The following NELL1 variants were observed in gnomAD, a reference collection of about 807,000 sequenced individuals.
The protein encoded by NELL1 is neural EGFL like 1.
In NELL1, 76 loss-of-function variants were observed where a neutral mutation model predicts 107.4. The observed-to-expected ratio is 0.71, with a 90% confidence interval of 0.59 to 0.86. The LOEUF is 0.86. Ranked by LOEUF, NELL1 falls within the 40% of genes least tolerant of loss-of-function variation. NELL1 has a pLI of 0.00. For synonymous variants in NELL1, 353 were observed against 341.2 expected (o/e 1.03, Z -0.38); for missense variants, 1,024 against 1,005.5 (o/e 1.02, Z -0.25).
intron 4 of NELL1, among the ~76,000 whole-genome samples, chr11:20,871,258 G>C (rs1849190487): frequency 6.6e-6 from 1 of 152,142 alleles, no homozygotes. Flanking sequence ...TTTTGATACA[G>C]GTCAGTCTCC....
chr11:21,265,746 G>GTC (rs762043734), intron 14 of NELL1, among the ~76,000 whole-genome samples: 6 of 151,974 alleles, frequency 3.9e-5, no homozygotes, highest in African/African-American at 9.6e-5. Flanking sequence ...AAACTTTACT[G>GTC]TCTCTCTCTC....
At position 20,714,097 on chromosome 11, in the gene NELL1, G is replaced by A. The variant is rs147245235; in HGVS notation, c.184+36037G>A. ...TTTTTTCTGGTATGTTTCTGTGGTGGTTCTTCAAGCAAAAGTTCATGGTGT... is the reference window on the plus strand; with the variant it reads ...TTTTTTCTGGTATGTTTCTGTGGTGATTCTTCAAGCAAAAGTTCATGGTGT... On this transcript the variant is annotated intron_variant, in intron 2 of 19. Coordinates refer to ENST00000357134, the MANE Select transcript of NELL1 (RefSeq NM_006157.5). Among the ~76,000 whole-genome samples, 32 of 150,736 alleles carry A rather than the reference G, an allele frequency of 2.1e-4. No homozygotes were observed. In the East Asian group the frequency reaches 5.1e-3, roughly 24 times the overall value.
At chr11:21,241,486 G>A (rs947751004) in intron 14 of NELL1, among the ~76,000 whole-genome samples, 1 of 152,122 alleles carries the variant, frequency 6.6e-6, no homozygotes, top group South Asian at 2.1e-4. Flanking sequence ...TTAGGCTTAC[G>A]CCAAGTACTG....
intron 3 of NELL1, among the ~76,000 whole-genome samples, chr11:20,828,873 C>T (rs1857941836): frequency 6.6e-6 from 1 of 152,136 alleles, no homozygotes; most frequent in Non-Finnish European, 1.5e-5. Flanking sequence ...ATAAGAATAA[C>T]TCAATCCGTG....
chr11:20,836,181 A>G (rs989652477), intron 3 of NELL1, among the ~76,000 whole-genome samples: 2 of 152,114 alleles, frequency 1.3e-5, no homozygotes, highest in African/African-American at 2.4e-5. Flanking sequence ...GGAAATAAGC[A>G]TATTACAATG....
chr11:20,961,272 G>A (rs1045137991), intron 12 of NELL1, among the ~76,000 whole-genome samples: 10 of 152,154 alleles, frequency 6.6e-5, no homozygotes, highest in Non-Finnish European at 1.2e-4. Context: ...ACATGCCAGA[G>A]GAGTGGGAGT....
chr11:20,714,032 C>T (rs1715274), intron 2 of NELL1, among the ~76,000 whole-genome samples: 24,941 of 151,796 alleles, frequency 0.16, 2,412 homozygotes, highest in African/African-American at 0.24. Flanking sequence ...GAGTTTGCTT[C>T]GTGTGCCACT....
At chr11:20,773,982 C>G (rs902873080) in intron 2 of NELL1, among the ~76,000 whole-genome samples, 2 of 151,374 alleles carry the variant, frequency 1.3e-5, no homozygotes, top group Non-Finnish European at 2.9e-5. Context: ...CTCTCTCTTT[C>G]TTCTCTTCTC....
In NELL1 at chr11:21,411,442, A is replaced by C. The variant is rs146808579; in HGVS notation, c.1645+40494A>C. Among the ~76,000 whole-genome samples the C allele has an allele frequency of 6.4e-3, 975 of 152,190 alleles. 10 individuals are homozygous for C. The highest frequency in any genetic ancestry group is 0.022 in the African/African-American group (908 of 41,552). ...ACCTCTATATTAATGTGTGTCTATC[A>C]ATAACAATAATGGCAATAATAATAA... On this transcript the variant is annotated intron_variant, in intron 15 of 19. Transcript: ENST00000357134.
chr11:21,516,695 G>C (rs151036421), intron 15 of NELL1, among the ~76,000 whole-genome samples: 104 of 151,226 alleles, frequency 6.9e-4, no homozygotes, highest in African/African-American at 2.3e-3. Context: ...ACTCTTATAG[G>C]ATCACTGTTG....
At chr11:20,701,464 T>G (rs1854785546) in intron 2 of NELL1, among the ~76,000 whole-genome samples, 1 of 152,182 alleles carries the variant, frequency 6.6e-6, no homozygotes, top group Non-Finnish European at 1.5e-5. Flanking sequence ...AGGTTGCCTG[T>G]TCACTCTGAT....
At chr11:21,336,666 T>C (rs1405135307) in intron 14 of NELL1, among the ~76,000 whole-genome samples, 104 of 52,644 alleles carry the variant, frequency 2.0e-3, no homozygotes, top group Middle Eastern at 0.01. Flanking sequence ...TATATATATA[T>C]ATATATATAC....
At chr11:20,810,082 T>C (rs551651749) in intron 3 of NELL1, among the ~76,000 whole-genome samples, 3 of 152,266 alleles carry the variant, frequency 2.0e-5, no homozygotes, top group African/African-American at 7.2e-5. Context: ...TTAATTTGTA[T>C]TTCCCTGATG....
At chr11:21,205,855 T>C (rs1373589825) in intron 13 of NELL1, among the ~76,000 whole-genome samples, 1 of 152,156 alleles carries the variant, frequency 6.6e-6, no homozygotes, top group Admixed American at 6.5e-5. Flanking sequence ...TTAAATGCAG[T>C]GTGTCTGTCT....
At chr11:21,336,647 G>GTATATATATA (rs1350044303) in intron 14 of NELL1, among the ~76,000 whole-genome samples, 33 of 70,686 alleles carry the variant, frequency 4.7e-4, no homozygotes, top group African/African-American at 1.2e-3. Context: ...CTTCATATGT[G>GTATATATATA]TGTGTATATA....
At chr11:20,827,054 C>T (rs932936025) in intron 3 of NELL1, among the ~76,000 whole-genome samples, 7 of 151,220 alleles carry the variant, frequency 4.6e-5, no homozygotes, top group African/African-American at 1.5e-4. Flanking sequence ...TGCCAAGACA[C>T]AGCCCTGGTT....
In NELL1 at chr11:21,337,251, T is replaced by G. The variant is rs1450349720; in HGVS notation, c.1550-33602T>G. Among the ~76,000 whole-genome samples the G allele has an allele frequency of 7.2e-5, 11 of 152,276 alleles. No homozygotes were observed. In the South Asian group the frequency reaches 1.9e-3, roughly 26 times the overall value. ...TAAACTGGGTTCTTTTTGTTTTTTC[T>G]TCTATGATGAAAAATAATGTAGGAA... On this transcript the variant is annotated intron_variant, in intron 14 of 19. Transcript: ENST00000357134.
intron 13 of NELL1, among the ~76,000 whole-genome samples, chr11:21,129,317 C>T (rs895985874): frequency 6.6e-6 from 1 of 151,736 alleles, no homozygotes. Flanking sequence ...CATGGTGTAG[C>T]CACCATGGAA....
At chr11:21,217,929 C>T (rs951885750) in intron 13 of NELL1, among the ~76,000 whole-genome samples, 2 of 152,010 alleles carry the variant, frequency 1.3e-5, no homozygotes, top group African/African-American at 4.8e-5. Context: ...TTTATTAGAG[C>T]CTTCCTGAGA....
Sources: allele counts gnomAD v4.1 joint callset (sites outside exome capture counted in the v4.1 genomes callset), GRCh38; gene constraint gnomAD v4.1.1; transcripts MANE v1.5; gene names NCBI Gene and HGNC (gene_info 2026-07-23, HGNC 2026-07-21).